ZNF627: variants seen among roughly 807,000 people sequenced by gnomAD.
ZNF627 encodes the protein zinc finger protein 627.
In ZNF627, 12 loss-of-function variants were observed where a neutral mutation model predicts 10.6. That is an observed-to-expected ratio of 1.13 (90% CI 0.73 to 1.84). The LOEUF (loss-of-function observed/expected upper bound fraction) is 1.84, where lower values mean the gene tolerates loss of function less well. Ranked by LOEUF, ZNF627 falls within the 40% of genes most tolerant of loss-of-function variation. The pLI, the probability that ZNF627 is intolerant of heterozygous loss-of-function variation, is 0.00. For missense variants in ZNF627, 504 were observed against 568.4 expected, an observed-to-expected ratio of 0.89 and a Z score of 1.15; for synonymous variants, 176 against 187.1, an observed-to-expected ratio of 0.94 and a Z score of 0.48.
At chr19:11,604,280 A>G (rs999828392) in intron 1 of ZNF627, 2 of 152,116 alleles carry the variant, frequency 1.3e-5, no homozygotes, top group African/African-American at 4.8e-5. Context: ...CTGGTGGGGC[A>G]TCTTATCCAG....
chr19:11,612,011 C>A (rs1488436943), intron 1 of ZNF627, among the ~76,000 whole-genome samples: 1 of 151,826 alleles, frequency 6.6e-6, no homozygotes, highest in Non-Finnish European at 1.5e-5. Context: ...AAATGGCCTG[C>A]ATAATTTTTA....
chr19:11,599,805 G>A (rs1169097067), intron 1 of ZNF627, among the ~76,000 whole-genome samples: 1 of 152,048 alleles, frequency 6.6e-6, no homozygotes. Flanking sequence ...TACTGGGGAG[G>A]CTGAGGCATG....
intron 1 of ZNF627, among the ~76,000 whole-genome samples, chr19:11,605,449 G>A (rs539722736): frequency 6.6e-6 from 1 of 152,144 alleles, no homozygotes; most frequent in East Asian, 1.9e-4. Flanking sequence ...TCATTGACAG[G>A]TCAGTATGGC....
Position 11,617,739 on chromosome 19 carries a change from TCA to T in ZNF627, c.1240_1241del (p.Thr414TrpfsTer6). The stretch of plus-strand genomic sequence containing the variant: ...GTTACTTCCGAATCCATGAAAGAAC[TCA>T]CACTGGAGAGAAACCCTATGAATGT... ...SSYFRIHERT[H>X]TGEKPYECKQ... is the part of the protein sequence containing the mutation. On this transcript the variant is annotated frameshift_variant, in exon 4 of 4. Coordinates refer to ENST00000361113, the MANE Select transcript of ZNF627 (RefSeq NM_145295.4). LOFTEE classifies it low-confidence loss of function (END_TRUNC). 1 of 1,611,862 alleles carries T rather than the reference TCA, an allele frequency of 6.2e-7. No individual in the cohort carries two copies. The highest frequency in any genetic ancestry group is 8.5e-7 in the Non-Finnish European group (1 of 1,179,454).
At chr19:11,608,447 G>A (rs1228697466) in intron 1 of ZNF627, among the ~76,000 whole-genome samples, 1 of 152,178 alleles carries the variant, frequency 6.6e-6, no homozygotes, top group East Asian at 1.9e-4. Flanking sequence ...TAATATTTTA[G>A]TTATTTATAA....
intron 1 of ZNF627, among the ~76,000 whole-genome samples, chr19:11,598,465 G>A (rs957920226): frequency 6.6e-6 from 1 of 152,122 alleles, no homozygotes; most frequent in Non-Finnish European, 1.5e-5. Flanking sequence ...ATTCGACTTA[G>A]ATTTCTGTTT....
intron 1 of ZNF627, among the ~76,000 whole-genome samples, chr19:11,610,563 A>G (rs1300050999): frequency 2.0e-5 from 3 of 152,104 alleles, no homozygotes; most frequent in Non-Finnish European, 2.9e-5. Flanking sequence ...TGATTACGCC[A>G]CTGCACTCCA....
chr19:11,598,546 C>T (rs1463870950), intron 1 of ZNF627, among the ~76,000 whole-genome samples: 1 of 152,172 alleles, frequency 6.6e-6, no homozygotes, highest in African/African-American at 2.4e-5. Flanking sequence ...TTTTAACACT[C>T]CCCAGGGGGA....
Position 11,616,940 on chromosome 19 carries a change from G to A in ZNF627, c.437G>A (p.Arg146Gln), listed in dbSNP as rs771812968. ...TCATATACACGTAACCAGTGTGGAC[G>A]AGCCTTGAGTTATCATCGCTCTTTT... ...KKSYTRNQCGRALSYHRSFPV... is the reference protein window; with the variant it reads ...KKSYTRNQCGQALSYHRSFPV... The change falls in exon 4 of 4, where the codon CGA (arginine) becomes CAA (glutamine). Residue 146 changes from arginine to glutamine, a missense_variant. Physicochemically the swap from Arg to Gln is conservative, Grantham distance 43. Transcript: ENST00000361113. 6 of 1,614,154 alleles carry A rather than the reference G, an allele frequency of 3.7e-6. No homozygotes were observed. The highest frequency in any genetic ancestry group is 2.2e-5 in the South Asian group (2 of 91,070).
chr19:11,608,152 TGAAACC>T (rs1973706328), intron 1 of ZNF627, among the ~76,000 whole-genome samples: 1 of 152,164 alleles, frequency 6.6e-6, no homozygotes, highest in Non-Finnish European at 1.5e-5. Context: ...AAGCCACTTA[TGAAACC>T]ATCAGATCTC....
At chr19:11,613,916 A>ATTTT (rs35877992) in intron 1 of ZNF627, among the ~76,000 whole-genome samples, 2 of 92,498 alleles carry the variant, frequency 2.2e-5, no homozygotes, top group Admixed American at 1.2e-4. Flanking sequence ...TAGTTACTAG[A>ATTTT]TTTTTTTTTT....
rs1359885952 is a variant in ZNF627 at position 11,617,167 on chromosome 19, C to T, written c.664C>T (p.Pro222Ser). 6.2e-7 allele frequency: 1 copy of T among 1,613,622 alleles called. No homozygotes were observed. Among genetic ancestry groups the T allele is most frequent in the Non-Finnish European group, 8.5e-7 (1 of 1,179,908 alleles). The change falls in exon 4 of 4, where the codon CCT becomes TCT. Residue 222 changes from proline (P) to serine (S), a missense_variant. By Grantham distance (74) the Pro-to-Ser change is moderately conservative. Coordinates refer to ENST00000361113, the MANE Select transcript of ZNF627 (RefSeq NM_145295.4). Reference sequence around the variant, plus strand: ...TGAAAGAAGTCACACTGGAGAGAAACCTTATGAATGCAAGCAATGTGGGAA... The same window carrying T: ...TGAAAGAAGTCACACTGGAGAGAAATCTTATGAATGCAAGCAATGTGGGAA... ...IHERSHTGEK[P>S]YECKQCGKAF...
intron 1 of ZNF627, among the ~76,000 whole-genome samples, chr19:11,610,661 T>G (rs529599075): frequency 6.6e-6 from 1 of 152,252 alleles, no homozygotes; most frequent in South Asian, 2.1e-4. Flanking sequence ...TCAGGGCAAC[T>G]TGAATCTGTA....
chr19:11,617,173 G>C lies in ZNF627; in HGVS notation c.670G>C (p.Glu224Gln). The C allele has an allele frequency of 1.2e-6, 2 of 1,613,802 alleles. No individual in the cohort carries two copies. The highest frequency in any genetic ancestry group is 1.1e-5 in the South Asian group (1 of 91,074). ...AAGTCACACTGGAGAGAAACCTTAT[G>C]AATGCAAGCAATGTGGGAAAGCCTT... ...ERSHTGEKPY[E>Q]CKQCGKAFSC... Residue 224 changes from glutamate (E) to glutamine (Q), a missense_variant, in exon 4 of 4, where the codon GAA becomes CAA. By Grantham distance (29) the Glu-to-Gln change is conservative. Coordinates refer to ENST00000361113, the MANE Select transcript of ZNF627 (RefSeq NM_145295.4).
At chr19:11,597,739 G>A in intron 1 of ZNF627, 109 bp downstream of exon 1, 5 of 1,193,252 alleles carry the variant, frequency 4.2e-6, no homozygotes, top group South Asian at 7.4e-5. Context: ...TCCGGGGTCT[G>A]GGACCCGAGT....
intron 1 of ZNF627, 148 bp downstream of exon 1, chr19:11,597,778 A>G: frequency 3.5e-6 from 3 of 854,834 alleles, no homozygotes; most frequent in Non-Finnish European, 4.8e-6. Context: ...GGGCTGGGCC[A>G]GGAGCTGGGA....
chr19:11,601,634 C>T (rs939367671), intron 1 of ZNF627, among the ~76,000 whole-genome samples: 16 of 151,984 alleles, frequency 1.1e-4, no homozygotes, highest in African/African-American at 2.7e-4. Flanking sequence ...GGGGGTGGGG[C>T]GGGGAGCACC....
intron 1 of ZNF627, among the ~76,000 whole-genome samples, chr19:11,610,028 G>T (rs1428375493): frequency 7.0e-6 from 1 of 143,616 alleles, no homozygotes; most frequent in East Asian, 2.0e-4. Flanking sequence ...TTTTGTTTTT[G>T]TTGAAAAGTG....
chr19:11,604,534 C>G (rs2034728840), intron 1 of ZNF627, among the ~76,000 whole-genome samples: 1 of 152,162 alleles, frequency 6.6e-6, no homozygotes, highest in South Asian at 2.1e-4. Context: ...GAGGTACTCT[C>G]AGGACACCCT....
Sources: gnomAD v4.1 joint callset for allele counts (sites outside exome capture counted in the v4.1 genomes callset) on GRCh38, gnomAD v4.1.1 for gene constraint, MANE v1.5 for transcripts, NCBI Gene and HGNC (gene_info 2026-07-23, HGNC 2026-07-21) for gene names.